GPR143: variants seen among roughly 807,000 people sequenced by gnomAD.
GPR143 encodes the protein G protein-coupled receptor 143, also known as G-protein coupled receptor 143.
Under a neutral mutation model 27.6 loss-of-function variants are expected in GPR143, and 8 were observed. The observed-to-expected ratio is 0.29, with a 90% CI of 0.17 to 0.52. The LOEUF (loss-of-function observed/expected upper bound fraction) is 0.52. GPR143 is among the 20% of genes least tolerant of loss of function. The probability of loss-of-function intolerance (pLI) is 0.96; values close to 1 mark genes in which losing one functional copy is unlikely to be tolerated. For missense variants in GPR143, 303 were observed against 343.1 expected, an observed-to-expected ratio of 0.88 and a Z score of 0.92; for synonymous variants, 156 against 153.2, an observed-to-expected ratio of 1.02 and a Z score of -0.13.
At chrX:9,766,903 T>TCTCTCTCA (rs1379433308), upstream of GPR143, among the ~76,000 whole-genome samples, 1 of 86,895 alleles carries the variant, frequency 1.2e-5, no homozygotes, top group African/African-American at 4.4e-5. Context: ...TCTCTCTCTC[T>TCTCTCTCA]CACACACACA....
Position 9,735,067 on chromosome X carries a change from C to T in GPR143, c.1120+4418G>A, listed in dbSNP as rs945706547. 5.3e-5 allele frequency among the ~76,000 whole-genome samples: 6 copies of T among 112,563 alleles called. No individual in the cohort carries two copies. In the South Asian group the frequency reaches 1.8e-3, roughly 34 times the overall value. On this transcript the variant is annotated intron_variant, in intron 8 of 8. Coordinates refer to ENST00000467482, the MANE Select transcript of GPR143 (RefSeq NM_000273.3). ...GCAAGGAGGCACAATGGTGACGGGG[C>T]GTGGAACCGAGCTCCATCCAGCGGC...
At chrX:9,774,428 C>T (rs4830655) in intron 1 of GPR143, among the ~76,000 whole-genome samples, 14,748 of 111,600 alleles carry the variant, frequency 0.13, 795 homozygotes, top group Middle Eastern at 0.19. Flanking sequence ...CCTGGTGGGG[C>T]GAGGGGGCTG....
intron 1 of GPR143, among the ~76,000 whole-genome samples, chrX:9,772,556 C>T (rs926924001): frequency 2.7e-5 from 3 of 111,410 alleles, no homozygotes; most frequent in Non-Finnish European, 5.6e-5. Flanking sequence ...GGCGCAGTGG[C>T]TTATGCCTTT....
chrX:9,757,416 A>T (rs1245723665), intron 3 of GPR143, among the ~76,000 whole-genome samples: 2 of 112,821 alleles, frequency 1.8e-5, no homozygotes, highest in African/African-American at 6.4e-5. Flanking sequence ...CATTCAGACC[A>T]TAACAGGAAT....
chrX:9,725,852 A>AAGAC lies in GPR143; in HGVS notation c.1121-16_1121-13dup. On this transcript the variant is annotated splice_polypyrimidine_tract_variant and intron_variant, in intron 8 of 8. Coordinates refer to ENST00000467482, the MANE Select transcript of GPR143 (RefSeq NM_000273.3). ...GCTGGCATCAGAACCTGGAGAGGAA[A>AAGAC]AGACAAAAGACTGACTGTGTCTGTG... 1 of 1,205,900 alleles carries AAGAC rather than the reference A, an allele frequency of 8.3e-7. No homozygotes were observed. The highest frequency in any genetic ancestry group is 1.1e-6 in the Non-Finnish European group (1 of 892,430).
At chrX:9,761,454 T>C (rs1245854697) in intron 1 of GPR143, among the ~76,000 whole-genome samples, 1 of 112,547 alleles carries the variant, frequency 8.9e-6, no homozygotes, top group East Asian at 2.8e-4. Flanking sequence ...AAACCATAGT[T>C]GGCCACAGTC....
intron 8 of GPR143, among the ~76,000 whole-genome samples, chrX:9,734,868 C>T (rs776804131): frequency 8.9e-6 from 1 of 112,122 alleles, no homozygotes. Context: ...TGGAGGGAAA[C>T]CGGGAGGTAC....
intron 7 of GPR143, chrX:9,740,741 ATTTC>A (rs1157162092): frequency 3.5e-5 from 10 of 282,317 alleles, no homozygotes; most frequent in Admixed American, 1.4e-4. Flanking sequence ...TTACTTAAAC[ATTTC>A]TTTCTTTCTT....
chrX:9,766,036 CAG>C (rs2083531938), upstream of GPR143: 2 of 283,574 alleles, frequency 7.1e-6, no homozygotes, highest in African/African-American at 2.8e-5. Flanking sequence ...AGGAGGAGGA[CAG>C]AGAGAGGGAG....
upstream of GPR143, among the ~76,000 whole-genome samples, chrX:9,766,505 C>T (rs112224071): frequency 6.5e-3 from 728 of 112,099 alleles, 4 homozygotes; most frequent in African/African-American, 0.021. Flanking sequence ...GCAGGCAGAT[C>T]GCTTGAGCTC....
intron 8 of GPR143, among the ~76,000 whole-genome samples, chrX:9,737,351 G>A (rs899453226): frequency 2.7e-5 from 3 of 111,493 alleles, no homozygotes; most frequent in African/African-American, 9.8e-5. Flanking sequence ...CAAAGAATAG[G>A]TGTATCCATA....
chrX:9,729,604 G>A (rs2083344284), intron 8 of GPR143, among the ~76,000 whole-genome samples: 1 of 112,402 alleles, frequency 8.9e-6, no homozygotes, highest in African/African-American at 3.2e-5. Context: ...TTCTCTGCTG[G>A]TCTTAAAGGT....
chrX:9,733,508 A>G (rs1183878354), intron 8 of GPR143, among the ~76,000 whole-genome samples: 1 of 111,127 alleles, frequency 9.0e-6, no homozygotes, highest in Non-Finnish European at 1.9e-5. Context: ...GATTCCAGGT[A>G]TTATGGAAGA....
upstream of GPR143, among the ~76,000 whole-genome samples, chrX:9,766,903 TCACACA>T (rs58553907): frequency 0.039 from 3,407 of 86,743 alleles, 77 homozygotes; most frequent in African/African-American, 0.072. Context: ...TCTCTCTCTC[TCACACA>T]CACACACACA....
chrX:9,733,996 T>G, intron 8 of GPR143, among the ~76,000 whole-genome samples: 1 of 107,229 alleles, frequency 9.3e-6, no homozygotes, highest in Non-Finnish European at 1.9e-5. Flanking sequence ...AGGAGAATCA[T>G]TTGAACCCAG....
intron 5 of GPR143, among the ~76,000 whole-genome samples, chrX:9,744,371 G>A (rs982594409): frequency 1.7e-4 from 19 of 111,105 alleles, no homozygotes; most frequent in African/African-American, 6.2e-4. Context: ...TTATTTGAAT[G>A]CTCCTAGTTC....
At position 9,737,735 on chromosome X, in the gene GPR143, T is replaced by C. The variant is rs780483660; in HGVS notation, c.1120+1750A>G. On this transcript the variant is annotated intron_variant, in intron 8 of 8. Transcript: ENST00000467482. ...TTTTTTAAAAAGCCAAGGGACCAGG[T>C]GCAGTGGCTCAAGCCTATTATCCCA... Among the ~76,000 whole-genome samples the C allele has an allele frequency of 5.4e-5, 6 of 112,123 alleles. No homozygotes were observed. The East Asian group carries it at 1.7e-3, about 31-fold the overall frequency.
intron 8 of GPR143, among the ~76,000 whole-genome samples, chrX:9,731,805 G>C (rs1314776238): frequency 2.0e-5 from 2 of 97,696 alleles, no homozygotes; most frequent in Non-Finnish European, 4.3e-5. Context: ...ATTGGGGGGG[G>C]GGGGAAGGAA....
chrX:9,750,222 T>C (rs904443790), intron 3 of GPR143, among the ~76,000 whole-genome samples: 1 of 112,326 alleles, frequency 8.9e-6, no homozygotes, highest in Admixed American at 9.4e-5. Context: ...GTTCCTGTTT[T>C]GTTTTGAGAT....
Sources: allele counts gnomAD v4.1 joint callset (sites outside exome capture counted in the v4.1 genomes callset), GRCh38; gene constraint gnomAD v4.1.1; transcripts MANE v1.5; gene names NCBI Gene and HGNC (gene_info 2026-07-23, HGNC 2026-07-21).